The following FMN1 variants were observed in gnomAD, a reference collection of about 807,000 sequenced individuals.
FMN1 encodes formin 1.
A neutral mutation model predicts 132.4 loss-of-function variants in FMN1; 110 were observed. That is an observed-to-expected ratio of 0.83 (90% confidence interval 0.71 to 0.97). The LOEUF is 0.97. FMN1 is among the 50% of genes least tolerant of loss of function. The pLI, the probability that FMN1 is intolerant of heterozygous loss-of-function variation, is 0.00. For synonymous variants in FMN1, 722 were observed against 651.7 expected (o/e 1.11, Z -1.64); for missense variants, 1,792 against 1,705.3 (o/e 1.05, Z -0.90).
At chr15:33,089,095 T>A in intron 4 of FMN1, 121 bp from the exon 5 acceptor site, 1 of 796,038 alleles carries the variant, frequency 1.3e-6, no homozygotes, top group South Asian at 2.2e-5. Flanking sequence ...GCTTTCTAAG[T>A]TATATTTTTA....
At chr15:33,066,466 C>G (rs758303237) in intron 5 of FMN1, 78 of 1,405,420 alleles carry the variant, frequency 5.5e-5, no homozygotes, top group Non-Finnish European at 7.2e-5. Flanking sequence ...AGAAATACAG[C>G]AGCACCATAT....
intron 17 of FMN1, among the ~76,000 whole-genome samples, chr15:32,833,199 A>G (rs1027241867): frequency 3.3e-5 from 5 of 152,144 alleles, no homozygotes; most frequent in Non-Finnish European, 5.9e-5. Context: ...TACCACTTCT[A>G]GAGTAATCCT....
Position 32,918,087 on chromosome 15 carries a change from C to G in FMN1, c.3227-7552G>C, listed in dbSNP as rs141931712. ...AAAATAATCAATATTGCAGCTAAGG[C>G]ACAGCAGACAGAATTTCTTTAAAAA... is the stretch of plus-strand genomic sequence containing the variant. On this transcript the variant is annotated intron_variant, in intron 10 of 20. Coordinates refer to ENST00000616417, the MANE Select transcript of FMN1 (RefSeq NM_001277313.2). Among the ~76,000 whole-genome samples the G allele has an allele frequency of 1.1e-3, 171 of 151,812 alleles. 1 individual carries two copies. The highest frequency in any genetic ancestry group is 4.0e-3 in the African/African-American group (165 of 41,400).
At chr15:33,071,967 G>A (rs1275734329) in intron 5 of FMN1, among the ~76,000 whole-genome samples, 1 of 152,112 alleles carries the variant, frequency 6.6e-6, no homozygotes, top group Non-Finnish European at 1.5e-5. Context: ...CAGAAGCGAA[G>A]GCTTTCATCC....
chr15:33,014,121 A>C (rs377735380), intron 6 of FMN1, among the ~76,000 whole-genome samples: 1 of 152,222 alleles, frequency 6.6e-6, no homozygotes, highest in Non-Finnish European at 1.5e-5. Flanking sequence ...CAGCATGTAG[A>C]AGGAGGAAGC....
chr15:33,158,634 T>C (rs551325379), intron 3 of FMN1, among the ~76,000 whole-genome samples: 1 of 152,262 alleles, frequency 6.6e-6, no homozygotes, highest in African/African-American at 2.4e-5. Flanking sequence ...GGAAGCAGTA[T>C]GTTGTAAGAA....
At chr15:32,967,891 C>A (rs1193188091) in intron 8 of FMN1, among the ~76,000 whole-genome samples, 1 of 152,210 alleles carries the variant, frequency 6.6e-6, no homozygotes, top group African/African-American at 2.4e-5. Flanking sequence ...ATTTGCTGTC[C>A]TTTACAAACA....
chr15:32,788,723 G>A (rs1224895482), intron 19 of FMN1, among the ~76,000 whole-genome samples: 2 of 152,236 alleles, frequency 1.3e-5, no homozygotes, highest in Non-Finnish European at 2.9e-5. Context: ...TGCCAAGCTA[G>A]GGAAATGGAG....
intron 17 of FMN1, among the ~76,000 whole-genome samples, chr15:32,850,247 G>A (rs1567269457): frequency 6.6e-6 from 1 of 152,282 alleles, no homozygotes; most frequent in Admixed American, 6.5e-5. Flanking sequence ...AACCTTAGTG[G>A]TTGAATATGG....
chr15:33,105,547 G>A (rs7174467), intron 4 of FMN1, among the ~76,000 whole-genome samples: 2,697 of 152,236 alleles, frequency 0.018, 84 homozygotes, highest in African/African-American at 0.062. Context: ...AGGCAAGGCT[G>A]ACTTGAAATG....
intron 6 of FMN1, among the ~76,000 whole-genome samples, chr15:33,009,012 T>C (rs1417032413): frequency 7.9e-5 from 12 of 152,164 alleles, no homozygotes; most frequent in Non-Finnish European, 5.9e-5. Context: ...AAGTTTGTGT[T>C]TTAATTTAAA....
At chr15:32,949,940 C>CAT (rs373896522) in intron 9 of FMN1, among the ~76,000 whole-genome samples, 2,074 of 30,926 alleles carry the variant, frequency 0.067, 532 homozygotes, top group Non-Finnish European at 0.11. Context: ...GGCCAAAAAG[C>CAT]ATATATATAT....
intron 17 of FMN1, among the ~76,000 whole-genome samples, chr15:32,850,491 T>C (rs2058984274): frequency 6.6e-6 from 1 of 152,192 alleles, no homozygotes; most frequent in African/African-American, 2.4e-5. Context: ...CCTCTTCAGA[T>C]TCTGGGATGA....
chr15:32,842,223 C>A (rs148423247), intron 17 of FMN1, among the ~76,000 whole-genome samples: 3 of 152,182 alleles, frequency 2.0e-5, no homozygotes, highest in Non-Finnish European at 4.4e-5. Flanking sequence ...CTAACTACTG[C>A]GAGACCACCA....
chr15:33,087,411 T>G (rs969603957), intron 5 of FMN1, among the ~76,000 whole-genome samples: 4 of 152,130 alleles, frequency 2.6e-5, no homozygotes, highest in African/African-American at 9.7e-5. Context: ...CTGGGTGTGG[T>G]AGCTCACGCC....
At chr15:32,846,466 TCAA>T (rs894800275) in intron 17 of FMN1, among the ~76,000 whole-genome samples, 1 of 152,144 alleles carries the variant, frequency 6.6e-6, no homozygotes, top group Non-Finnish European at 1.5e-5. Flanking sequence ...GAAAAAAAGT[TCAA>T]CATCACTGAT....
At chr15:32,799,300 T>G (rs563101647) in intron 18 of FMN1, among the ~76,000 whole-genome samples, 1 of 152,154 alleles carries the variant, frequency 6.6e-6, no homozygotes, top group African/African-American at 2.4e-5. Flanking sequence ...AGTGATTACA[T>G]GCAAGGTGGA....
chr15:33,114,781 C>T (rs1199235284), intron 4 of FMN1, among the ~76,000 whole-genome samples: 1 of 152,188 alleles, frequency 6.6e-6, no homozygotes, highest in East Asian at 1.9e-4. Context: ...ACAGAACTAT[C>T]ATTAAAGGAA....
In FMN1 at chr15:32,970,122, C is replaced by G. The variant is rs560183756; in HGVS notation, c.2224-645G>C. Among the ~76,000 whole-genome samples, 9 of 152,272 alleles carry G rather than the reference C, an allele frequency of 5.9e-5. No homozygotes were observed. The South Asian group carries it at 1.2e-3, about 21-fold the overall frequency. On this transcript the variant is annotated intron_variant, in intron 7 of 20. Coordinates refer to ENST00000616417, the MANE Select transcript of FMN1 (RefSeq NM_001277313.2). ...AGATATTATAGTATGCCATTTTCTT[C>G]TATTTACACAGCACTTTAAAGTATA...
Sources: allele counts gnomAD v4.1 joint callset (sites outside exome capture counted in the v4.1 genomes callset), GRCh38; gene constraint gnomAD v4.1.1; transcripts MANE v1.5; gene names NCBI Gene and HGNC (gene_info 2026-07-23, HGNC 2026-07-21).